KLF7: variants seen among roughly 807,000 people sequenced by gnomAD.
The protein encoded by KLF7 is KLF transcription factor 7.
Under a neutral mutation model 27.3 loss-of-function variants are expected in KLF7, and 2 were observed. The ratio of observed to expected loss-of-function variants is 0.07; its 90% CI spans 0.03 to 0.23. The LOEUF is 0.23. Among genes scored for constraint, KLF7 ranks in the 10% least tolerant of loss-of-function variants. KLF7 has a pLI of 1.00. For synonymous variants in KLF7, 165 were observed against 162.4 expected (o/e 1.02, Z -0.12); for missense variants, 221 against 394.1 (o/e 0.56, Z 3.72).
At chr2:207,120,352 G>A (rs1327059982) in intron 2 of KLF7, among the ~76,000 whole-genome samples, 1 of 152,088 alleles carries the variant, frequency 6.6e-6, no homozygotes, top group Non-Finnish European at 1.5e-5. Context: ...TTCAATGCAA[G>A]CAAATCCATG....
In KLF7 at chr2:207,098,778, ATTTT is replaced by A. The variant is rs1182598901; in HGVS notation, c.734-10201_734-10198del. 5.8e-3 allele frequency among the ~76,000 whole-genome samples: 611 copies of A among 104,676 alleles called. 2 individuals carry two copies. Among genetic ancestry groups the A allele is most frequent in the African/African-American group, 0.02 (516 of 25,202 alleles). The allele number at this position is 104,676 out of a possible 152,430, so 68.7% of individuals were successfully genotyped here. On this transcript the variant is annotated intron_variant, in intron 2 of 3. Transcript: ENST00000309446. ...GCTCTGGTGCCACCACACTTGGCTA[ATTTT>A]TTTTTTTTTTTTTTTTTTGTAGAGA... is the stretch of plus-strand genomic sequence containing the variant.
chr2:207,149,579 G>A (rs2078186520), intron 1 of KLF7, among the ~76,000 whole-genome samples: 1 of 152,214 alleles, frequency 6.6e-6, no homozygotes, highest in South Asian at 2.1e-4. Flanking sequence ...CTGCAGATAT[G>A]CCTTCATTTC....
chr2:207,092,049 C>T (rs1401114416), intron 2 of KLF7, among the ~76,000 whole-genome samples: 1 of 152,208 alleles, frequency 6.6e-6, no homozygotes, highest in Non-Finnish European at 1.5e-5. Flanking sequence ...GCAAAATCAG[C>T]TCTTCTCTTT....
intron 1 of KLF7, among the ~76,000 whole-genome samples, chr2:207,132,492 A>T (rs531890684): frequency 6.6e-6 from 1 of 152,340 alleles, no homozygotes; most frequent in African/African-American, 2.4e-5. Context: ...AACAAAGAAA[A>T]TATTTGTTTG....
chr2:207,110,436 A>G (rs2077003373), intron 2 of KLF7, among the ~76,000 whole-genome samples: 1 of 152,224 alleles, frequency 6.6e-6, no homozygotes, highest in Non-Finnish European at 1.5e-5. Flanking sequence ...CAGCAAGGCC[A>G]CTGTACCCAG....
chr2:207,131,161 T>TGAAGGATGATGATGATGGTGGTGA (rs1447195737), intron 1 of KLF7, among the ~76,000 whole-genome samples: 1 of 152,212 alleles, frequency 6.6e-6, no homozygotes, highest in Non-Finnish European at 1.5e-5. Context: ...GATCTGGATC[T>TGAAGGATGATGATGATGGTGGTGA]GAAGGATGAT....
intron 1 of KLF7, among the ~76,000 whole-genome samples, chr2:207,164,876 T>C (rs1325184870): frequency 6.6e-6 from 1 of 152,196 alleles, no homozygotes; most frequent in Non-Finnish European, 1.5e-5. Context: ...CCGTCCTCCT[T>C]GAGTATCTTT....
At chr2:207,127,617 G>A (rs2077515932) in intron 1 of KLF7, among the ~76,000 whole-genome samples, 1 of 152,132 alleles carries the variant, frequency 6.6e-6, no homozygotes, top group South Asian at 2.1e-4. Flanking sequence ...TGAGGCAGAT[G>A]GATCAATTGA....
At chr2:207,121,737 T>A (rs1436639350) in intron 2 of KLF7, 1 of 152,164 alleles carries the variant, frequency 6.6e-6, no homozygotes, top group Non-Finnish European at 1.5e-5. Flanking sequence ...TGGTAATCAC[T>A]CTGAGTAGAC....
At chr2:207,153,233 T>C (rs1045276226) in intron 1 of KLF7, among the ~76,000 whole-genome samples, 1 of 151,922 alleles carries the variant, frequency 6.6e-6, no homozygotes, top group Admixed American at 6.6e-5. Context: ...CCGCACACCT[T>C]TGGTTCAGGT....
intron 2 of KLF7, among the ~76,000 whole-genome samples, chr2:207,109,270 C>T (rs547538023): frequency 6.6e-6 from 1 of 152,318 alleles, no homozygotes; most frequent in Non-Finnish European, 1.5e-5. Context: ...GATAATCACT[C>T]AGTTTTCTTA....
chr2:207,137,668 TGTGA>T (rs2077826213), intron 1 of KLF7, among the ~76,000 whole-genome samples: 1 of 152,056 alleles, frequency 6.6e-6, no homozygotes. Context: ...TTCCTATGAG[TGTGA>T]GTGTGTGTGT....
At chr2:207,144,119 T>G (rs2078026405) in intron 1 of KLF7, among the ~76,000 whole-genome samples, 1 of 140,074 alleles carries the variant, frequency 7.1e-6, no homozygotes, top group African/African-American at 2.7e-5. Flanking sequence ...GTAGAGAGGC[T>G]CCCATAAAAA....
chr2:207,119,459 GT>G lies in KLF7; in HGVS notation c.733+4314del, dbSNP rs11438737. On this transcript the variant is annotated intron_variant, in intron 2 of 3. Transcript: ENST00000309446. ...TTGATTTTTGCTGAGAATGAGCATA[GT>G]TTTTTTTTTAATATTGGAAGTGAAG... 2.3e-3 allele frequency among the ~76,000 whole-genome samples: 343 copies of G among 149,964 alleles called. 1 individual carries two copies. The highest frequency in any genetic ancestry group is 7.4e-3 in the African/African-American group (303 of 40,890).
Position 207,123,952 on chromosome 2 carries a change from T to A in KLF7, c.555A>T (p.Ala185=). The A allele has an allele frequency of 6.2e-7, 1 of 1,614,200 alleles. No homozygotes were observed. Among genetic ancestry groups the A allele is most frequent in the Non-Finnish European group, 8.5e-7 (1 of 1,180,028 alleles). Residue 185 remains alanine, a synonymous_variant, in exon 2 of 4, where the codon GCA becomes GCT. Transcript: ENST00000309446. The part of the protein sequence containing the change: ...SVKVGGVATA[A]AAVTAAGAVK... ...CGGCCCCCGCAGCCGTCACGGCTGC[T>A]GCAGCTGTTGCGACCCCTCCCACCT... is the stretch of plus-strand genomic sequence containing the variant.
chr2:207,135,739 C>G (rs1677453700), intron 1 of KLF7, among the ~76,000 whole-genome samples: 1 of 151,976 alleles, frequency 6.6e-6, no homozygotes, highest in African/African-American at 2.4e-5. Flanking sequence ...TGTTTATTAC[C>G]AACATTTCTG....
chr2:207,123,427 A>G (rs186614211), intron 2 of KLF7, among the ~76,000 whole-genome samples: 36 of 152,204 alleles, frequency 2.4e-4, no homozygotes, highest in African/African-American at 8.2e-4. Context: ...GTTGATCAAA[A>G]CTGTGGAGCT....
At chr2:207,081,852 CA>C (rs35500565) in intron 3 of KLF7, among the ~76,000 whole-genome samples, 53,991 of 107,614 alleles carry the variant, frequency 0.5, 10,263 homozygotes, top group Middle Eastern at 0.55. Flanking sequence ...ATATTCAAGT[CA>C]AAAAAAAAAA....
At position 207,165,361 on chromosome 2, in the gene KLF7, AAAGTC is replaced by A. The variant is rs1475392738; in HGVS notation, c.102+101_102+105del. The stretch of plus-strand genomic sequence containing the variant: ...ACAGACAGCCAAAAAGGAAGAAAAA[AAAGTC>A]AAACAAACAAACAAAAATTTCAACC... On this transcript the variant is annotated intron_variant, in intron 1 of 3. Transcript: ENST00000309446. The A allele has an allele frequency of 7.3e-6, 11 of 1,500,158 alleles. No homozygotes were observed. The East Asian group carries it at 2.3e-4, about 31-fold the overall frequency. The allele number at this position is 1,500,158 out of a possible 1,614,324, so 92.9% of individuals were successfully genotyped here. A position where few individuals can be genotyped will look rare whatever the true frequency, so the allele number is the denominator to read the frequency against.
Sources: gnomAD v4.1 joint callset for allele counts (sites outside exome capture counted in the v4.1 genomes callset) on GRCh38, gnomAD v4.1.1 for gene constraint, MANE v1.5 for transcripts, NCBI Gene and HGNC (gene_info 2026-07-23, HGNC 2026-07-21) for gene names.